Variants in NFIB observed in about 807,000 individuals in gnomAD.
NFIB encodes nuclear factor 1 B-type.
In NFIB, 11 loss-of-function variants were observed where a neutral mutation model predicts 61.5. The observed-to-expected ratio is 0.18, with a 90% confidence interval of 0.11 to 0.30. NFIB has a LOEUF of 0.30. Ranked by LOEUF, NFIB falls within the 10% of genes least tolerant of loss-of-function variation. NFIB has a pLI of 1.00. For synonymous variants in NFIB, 260 were observed against 216.5 expected (o/e 1.20, Z -1.76); for missense variants, 471 against 608.9 (o/e 0.77, Z 2.38).
chr9:14,221,374 G>A (rs2051652879), intron 2 of NFIB, among the ~76,000 whole-genome samples: 1 of 152,124 alleles, frequency 6.6e-6, no homozygotes, highest in Non-Finnish European at 1.5e-5. Context: ...AATAGATTTG[G>A]TTGAATCACA....
the NFIB span, among the ~76,000 whole-genome samples, chr9:14,439,186 C>G: frequency 6.6e-6 from 1 of 152,006 alleles, no homozygotes; most frequent in Non-Finnish European, 1.5e-5. Context: ...GCTTGGGCAA[C>G]AAAGTGAAAT....
At chr9:14,195,785 G>A (rs2048400680) in intron 2 of NFIB, among the ~76,000 whole-genome samples, 1 of 152,058 alleles carries the variant, frequency 6.6e-6, no homozygotes, top group Non-Finnish European at 1.5e-5. Flanking sequence ...TTAAGGGTAT[G>A]TATGTCACAC....
chr9:14,510,763 T>C, the NFIB span, among the ~76,000 whole-genome samples: 1 of 152,358 alleles, frequency 6.6e-6, no homozygotes, highest in South Asian at 2.1e-4. Flanking sequence ...TATCTCATAA[T>C]TGAGAAATGT....
At chr9:14,466,456 G>A in the NFIB span, among the ~76,000 whole-genome samples, 1 of 152,092 alleles carries the variant, frequency 6.6e-6, no homozygotes, top group African/African-American at 2.4e-5. Context: ...ACCATCCTCT[G>A]GGCTCTGCGT....
chr9:14,450,064 C>T, the NFIB span, among the ~76,000 whole-genome samples: 1 of 152,020 alleles, frequency 6.6e-6, no homozygotes, highest in Non-Finnish European at 1.5e-5. Context: ...TGGTTTGCTG[C>T]ACCCATTAAC....
rs566218494 is a variant in NFIB, at chr9:14,098,241, T to C, written c.1468-9915A>G. Among the ~76,000 whole-genome samples the C allele has an allele frequency of 9.5e-4, 144 of 152,284 alleles. 1 individual carries two copies. The highest frequency in any genetic ancestry group is 3.3e-3 in the African/African-American group (139 of 41,540). On this transcript the variant is annotated intron_variant, in intron 10 of 10. Coordinates refer to ENST00000380953, the MANE Select transcript of NFIB (RefSeq NM_001190737.2). ...TCCTTTGGTAACACGCGCATGTTTA[T>C]TTTAGCCATCTGAAGACTTCTTCTA...
the NFIB span, among the ~76,000 whole-genome samples, chr9:14,497,986 T>A: frequency 1.4e-4 from 22 of 152,364 alleles, no homozygotes; most frequent in Non-Finnish European, 2.8e-4. Context: ...TAAACTTGCC[T>A]GAAGCTGGAC....
At chr9:14,232,328 C>T (rs1045442792) in intron 2 of NFIB, among the ~76,000 whole-genome samples, 5 of 152,182 alleles carry the variant, frequency 3.3e-5, no homozygotes, top group African/African-American at 1.2e-4. Flanking sequence ...CCCCGTCACA[C>T]TGGGAATGTT....
chr9:14,168,810 T>A (rs959013148), intron 3 of NFIB, among the ~76,000 whole-genome samples: 1 of 152,216 alleles, frequency 6.6e-6, no homozygotes, highest in Non-Finnish European at 1.5e-5. Context: ...TTTAAAACAT[T>A]TTGCCCCTCT....
intron 2 of NFIB, among the ~76,000 whole-genome samples, chr9:14,284,902 T>C (rs1329313821): frequency 6.6e-6 from 1 of 152,178 alleles, no homozygotes; most frequent in Non-Finnish European, 1.5e-5. Flanking sequence ...ATCCTCTCTT[T>C]AAGGACATTT....
At chr9:14,348,845 C>T (rs988526502) in intron 1 of NFIB, among the ~76,000 whole-genome samples, 1 of 152,232 alleles carries the variant, frequency 6.6e-6, no homozygotes, top group African/African-American at 2.4e-5. Context: ...GGCCCAAACT[C>T]GGCACGATTC....
At chr9:14,323,338 A>G (rs1157993992) in intron 1 of NFIB, among the ~76,000 whole-genome samples, 1 of 152,222 alleles carries the variant, frequency 6.6e-6, no homozygotes, top group Non-Finnish European at 1.5e-5. Context: ...AGCAGTTTTG[A>G]TCAGCATTTT....
intron 1 of NFIB, among the ~76,000 whole-genome samples, chr9:14,341,260 G>C (rs556872816): frequency 6.6e-6 from 1 of 152,168 alleles, no homozygotes; most frequent in Admixed American, 6.5e-5. Context: ...TAGAGTACCC[G>C]TGCTTGGTTG....
chr9:14,210,460 A>G (rs566078892), intron 2 of NFIB, among the ~76,000 whole-genome samples: 2 of 152,286 alleles, frequency 1.3e-5, no homozygotes, highest in East Asian at 3.9e-4. Flanking sequence ...AGAACACCAA[A>G]AAAAACAGAA....
the NFIB span, among the ~76,000 whole-genome samples, chr9:14,485,776 G>A: frequency 1.3e-5 from 2 of 152,120 alleles, no homozygotes; most frequent in Non-Finnish European, 2.9e-5. Flanking sequence ...TCAGGAGGCT[G>A]AGGCAGGAGA....
At chr9:14,455,680 G>A in the NFIB span, among the ~76,000 whole-genome samples, 13 of 151,990 alleles carry the variant, frequency 8.6e-5, no homozygotes, top group African/African-American at 3.1e-4. Context: ...TTCAGAAAAT[G>A]TACCATCAAA....
chr9:14,377,880 C>A (rs2061438800), intron 1 of NFIB, among the ~76,000 whole-genome samples: 1 of 152,212 alleles, frequency 6.6e-6, no homozygotes, highest in Non-Finnish European at 1.5e-5. Flanking sequence ...TTCCCTAAGA[C>A]AATCCCCACT....
In NFIB at chr9:14,392,324, T is replaced by C. The variant is rs191514829; in HGVS notation, c.108+6200A>G. Among the ~76,000 whole-genome samples, 144 of 152,346 alleles carry C rather than the reference T, an allele frequency of 9.5e-4. 3 individuals are homozygous for C. The highest frequency in any genetic ancestry group is 2.2e-3 in the Admixed American group (34 of 15,306). ...TTGGTTTCTGAATTGTGACAAAATG[T>C]ACCATACTAAAGTAAGATGTTAATA... On this transcript the variant is annotated intron_variant, in intron 1 of 8. Coordinates refer to the NFIB transcript ENST00000380934.
chr9:14,499,841 A>T, the NFIB span, among the ~76,000 whole-genome samples: 1 of 152,190 alleles, frequency 6.6e-6, no homozygotes. Context: ...TACAGTTGGC[A>T]CAGTTCCTTT....
Sources: allele counts gnomAD v4.1 joint callset (sites outside exome capture counted in the v4.1 genomes callset), GRCh38; gene constraint gnomAD v4.1.1; transcripts MANE v1.5; gene names NCBI Gene and HGNC (gene_info 2026-07-23, HGNC 2026-07-21).